KLHL33: variants seen among roughly 807,000 people sequenced by gnomAD.
KLHL33 encodes kelch like family member 33.
KLHL33 carries 46 observed loss-of-function variants against 60.8 expected under a neutral mutation model. The observed-to-expected ratio is 0.76, with a 90% confidence interval of 0.60 to 0.97. The LOEUF (loss-of-function observed/expected upper bound fraction) is 0.97, where lower values mean the gene tolerates loss of function less well. Ranked by LOEUF, KLHL33 falls within the 50% of genes least tolerant of loss-of-function variation. KLHL33 has a pLI of 0.00. For missense variants in KLHL33, 1,055 were observed against 1,000.0 expected (o/e 1.05, Z -0.74); for synonymous variants, 434 against 432.2 (o/e 1.00, Z -0.05).
At position 20,435,718 on chromosome 14, in the gene KLHL33, G is replaced by A; in HGVS notation, c.94C>T (p.Gln32Ter). ...GAGGGAGGCCAGGAAGGGGTTCTCT[G>A]GGCGTGCACAAGGAGTCCAAGGCAG... ...RDCLGLLVHA[Q>*]RTPSWPPSPD... is the part of the protein sequence containing the mutation. The change falls in exon 2 of 5, where the codon CAG (glutamine) becomes TAG (stop). Residue 32 changes from glutamine (Q) to a stop codon, truncating the protein, a stop_gained. Transcript: ENST00000636854. LOFTEE classifies it high-confidence loss of function. 2.4e-6 allele frequency: 3 copies of A among 1,234,786 alleles called. No homozygotes were observed. Among genetic ancestry groups the A allele is most frequent in the East Asian group, 3.2e-5 (1 of 31,696 alleles). 76.5% of individuals were successfully genotyped at this position (1,234,786 alleles called of 1,614,324 possible). A position where few individuals can be genotyped will look rare whatever the true frequency, so the allele number is the denominator to read the frequency against.
chr14:20,431,246 C>T (rs1019029927), intron 2 of KLHL33, among the ~76,000 whole-genome samples: 19 of 152,296 alleles, frequency 1.2e-4, no homozygotes, highest in Admixed American at 1.1e-3. Flanking sequence ...TGGCACCACT[C>T]GGGAATGGCT....
chr14:20,432,970 G>GAAAGAAAGAAAGAAAGAAAGAA (rs1200177281), intron 2 of KLHL33, among the ~76,000 whole-genome samples: 3 of 151,470 alleles, frequency 2.0e-5, no homozygotes, highest in Non-Finnish European at 4.4e-5. Context: ...AAGAAAGAAA[G>GAAAGAAAGAAAGAAAGAAAGAA]AAAGAAAGAA....
Position 20,429,781 on chromosome 14 carries a change from C to G in KLHL33, c.1673+14G>C. ...AGGGCCTGCCACACCCTGCCCACTC[C>G]TAGAAGCTTATACCTGAGAGTTGAA... On this transcript the variant is annotated intron_variant, in intron 3 of 4. Coordinates refer to ENST00000636854, the MANE Select transcript of KLHL33 (RefSeq NM_001365790.2). 2 of 1,526,570 alleles carry G rather than the reference C, an allele frequency of 1.3e-6. No homozygotes were observed. The highest frequency in any genetic ancestry group is 8.8e-7 in the Non-Finnish European group (1 of 1,134,376). 94.6% of individuals were successfully genotyped at this position (1,526,570 alleles called of 1,614,324 possible).
chr14:20,430,060 C>G lies in KLHL33; in HGVS notation c.1408G>C (p.Glu470Gln). ...ATCACTACCAGTGCCCGGTCAGGCT[C>G]CCTCCGTCTCTCTTGGCCTGGAACA... ...ADVPGQERRR[E>Q]PDRALVVIGG... is the part of the protein sequence containing the mutation. The change falls in exon 3 of 5, where the codon GAG becomes CAG. Residue 470 changes from glutamate to glutamine, a missense_variant. Glu to Gln is a conservative substitution (Grantham distance 29). Transcript: ENST00000636854. 1 of 1,551,754 alleles carries G rather than the reference C, an allele frequency of 6.4e-7. No homozygotes were observed. Among genetic ancestry groups the G allele is most frequent in the Non-Finnish European group, 8.7e-7 (1 of 1,147,012 alleles).
rs1880343215 is a variant in KLHL33 at position 20,427,919 on chromosome 14, G to C, written c.*930C>G. On this transcript the variant is annotated 3_prime_UTR_variant, in exon 5 of 5. Transcript: ENST00000636854. ...ACTCTGGGGGAAAGGAACTGAAAGGGGGAAATGACTTTTCTGAGTCTTGTC... is the reference window on the plus strand; with the variant it reads ...ACTCTGGGGGAAAGGAACTGAAAGGCGGAAATGACTTTTCTGAGTCTTGTC... The C allele has an allele frequency of 6.6e-6, 1 of 152,190 alleles. No individual in the cohort carries two copies. Among genetic ancestry groups the C allele is most frequent in the Non-Finnish European group, 1.5e-5 (1 of 68,050 alleles). 9.4% of individuals were successfully genotyped at this position (152,190 alleles called of 1,614,324 possible). A position where few individuals can be genotyped will look rare whatever the true frequency, so the allele number is the denominator to read the frequency against.
chr14:20,429,456 A>G, intron 4 of KLHL33, 46 bp downstream of exon 4: 3 of 1,550,430 alleles, frequency 1.9e-6, no homozygotes, highest in South Asian at 2.4e-5. Context: ...CTCTCCTTCT[A>G]TTCCAAGTCT....
rs796775864 is a variant in KLHL33, at chr14:20,426,712, G to A, written c.*2137C>T. ...TGCCCAAAGGAATATAAATCATGCC[G>A]CTATAAAGACACATGCACACATATG... On this transcript the variant is annotated 3_prime_UTR_variant, in exon 5 of 5. Coordinates refer to ENST00000636854, the MANE Select transcript of KLHL33 (RefSeq NM_001365790.2). The A allele has an allele frequency of 2.6e-5, 4 of 152,066 alleles. No individual in the cohort carries two copies. Among genetic ancestry groups the A allele is most frequent in the Admixed American group, 6.6e-5 (1 of 15,262 alleles). The allele number at this position is 152,066 out of a possible 1,614,324, so 9.4% of individuals were successfully genotyped here.
At position 20,429,628 on chromosome 14, in the gene KLHL33, A is replaced by C; in HGVS notation, c.1715T>G (p.Leu572Trp). 1 of 1,551,834 alleles carries C rather than the reference A, an allele frequency of 6.4e-7. No individual in the cohort carries two copies. Among genetic ancestry groups the C allele is most frequent in the Non-Finnish European group, 8.7e-7 (1 of 1,147,032 alleles). The change falls in exon 4 of 5, where the codon TTG (leucine) becomes TGG (tryptophan). Residue 572 changes from leucine (L) to tryptophan (W), a missense_variant. By Grantham distance (61) the Leu-to-Trp change is moderately conservative (BLOSUM62 -2). Coordinates refer to ENST00000636854, the MANE Select transcript of KLHL33 (RefSeq NM_001365790.2). ...GGAGAAAAGGCTTCGAGCCTGGGAC[A>C]AAGGAGCCATCTCCTCCCAGTCCTC... Reference protein sequence around the residue: ...SQEDWEEMAPLSQARSLFSLV... With the variant: ...SQEDWEEMAPWSQARSLFSLV...
At chr14:20,429,766 A>G in intron 3 of KLHL33, 29 bp downstream of exon 3, 1 of 1,522,972 alleles carries the variant, frequency 6.6e-7, no homozygotes, top group South Asian at 1.3e-5. Flanking sequence ...AGGGCCTGCC[A>G]CACCCTGCCC....
Position 20,435,814 on chromosome 14 carries a change from C to G in KLHL33, c.-3G>C. 1.6e-6 allele frequency: 2 copies of G among 1,234,350 alleles called. No individual in the cohort carries two copies. Among genetic ancestry groups the G allele is most frequent in the Non-Finnish European group, 2.0e-6 (2 of 988,440 alleles). 76.5% of individuals were successfully genotyped at this position (1,234,350 alleles called of 1,614,324 possible). On this transcript the variant is annotated 5_prime_UTR_variant, in exon 2 of 5. Coordinates refer to ENST00000636854, the MANE Select transcript of KLHL33 (RefSeq NM_001365790.2). ...TGTGGGGTGTCCGAGACGCTCATGC[C>G]GAGGTTTGCTGGATAGCTGCAGGTG...
rs537381001 is a variant in KLHL33 at position 20,431,776 on chromosome 14, G to A, written c.749-1057C>T. On this transcript the variant is annotated intron_variant, in intron 2 of 4. Coordinates refer to ENST00000636854, the MANE Select transcript of KLHL33 (RefSeq NM_001365790.2). ...GAAACTGAGTTGGGTCCCAAAGAAA[G>A]CATGTGATTTATTTTTCATTTCCAT... Among the ~76,000 whole-genome samples, 20 of 152,300 alleles carry A rather than the reference G, an allele frequency of 1.3e-4. No individual in the cohort carries two copies. The East Asian group carries it at 2.1e-3, about 16-fold the overall frequency.
At chr14:20,432,926 A>AAAAGAAAGAAAGAAAG (rs59220485) in intron 2 of KLHL33, among the ~76,000 whole-genome samples, 18,027 of 104,478 alleles carry the variant, frequency 0.17, 2,114 homozygotes, top group South Asian at 0.19. Context: ...CATCTCAAAA[A>AAAAGAAAGAAAGAAAG]AAAGAAAGAA....
At chr14:20,432,616 A>T (rs1880542348) in intron 2 of KLHL33, among the ~76,000 whole-genome samples, 1 of 152,044 alleles carries the variant, frequency 6.6e-6, no homozygotes, top group Non-Finnish European at 1.5e-5. Context: ...ATAAATGTGG[A>T]CTAGGTGATA....
intron 1 of KLHL33, 71 bp from the exon 2 acceptor site, chr14:20,435,901 C>G (rs760183691): frequency 5.4e-5 from 61 of 1,124,266 alleles, no homozygotes; most frequent in Non-Finnish European, 6.4e-5. Context: ...AACCATGTCT[C>G]CAGCCAGTTG....
chr14:20,429,883 C>A lies in KLHL33; in HGVS notation c.1585G>T (p.Gly529Trp), dbSNP rs1271912246. The change falls in exon 3 of 5, where the codon GGG becomes TGG. Residue 529 changes from glycine (G) to tryptophan (W), a missense_variant. Gly to Trp is a radical substitution (Grantham distance 184). Transcript: ENST00000636854. ...TCACTTCCTGCCAGGCTTGCAGCCC[C>A]ATGCCGGAAGCGTCCGGGGGCAGGC... ...ALPAPGRFRH[G>W]AASLAGSELY... The A allele has an allele frequency of 7.1e-6, 11 of 1,552,056 alleles. No individual in the cohort carries two copies. The Admixed American group carries it at 2.2e-4, about 30-fold the overall frequency.
chr14:20,432,978 G>GAAAGAAAGA, intron 2 of KLHL33, among the ~76,000 whole-genome samples: 1 of 151,574 alleles, frequency 6.6e-6, no homozygotes, highest in African/African-American at 2.4e-5. Context: ...AAGAAAGAAA[G>GAAAGAAAGA]AAAGAAAGAG....
rs1458026770 is a variant in KLHL33 at position 20,429,390 on chromosome 14, G to A, written c.1853C>T (p.Ala618Val). The change falls in exon 5 of 5, where the codon GCA becomes GTA. Residue 618 changes from alanine to valine, a missense_variant. Physicochemically the swap from Ala to Val is moderately conservative, Grantham distance 64 (BLOSUM62 0). Transcript: ENST00000636854. ...PELNVWRPAPALPAPCFAHAA... is the reference protein window; with the variant it reads ...PELNVWRPAPVLPAPCFAHAA... ...GTGGGCAAAACATGGTGCTGGAAGTGCAGGTGCTGGCCTAAGGGAGAACAG... is the reference window on the plus strand; with the variant it reads ...GTGGGCAAAACATGGTGCTGGAAGTACAGGTGCTGGCCTAAGGGAGAACAG... 13 of 1,551,764 alleles carry A rather than the reference G, an allele frequency of 8.4e-6. No homozygotes were observed. In the East Asian group the frequency reaches 2.9e-4, roughly 35 times the overall value.
rs1367356489 is a variant in KLHL33 at position 20,430,022 on chromosome 14, C to A, written c.1446G>T (p.Gly482=). 2.6e-6 allele frequency: 4 copies of A among 1,551,590 alleles called. No homozygotes were observed. In the African/African-American group the frequency reaches 5.5e-5, roughly 21 times the overall value. ...GTCTTAGGGCCATGTCTGGTCTGAG[C>A]CCATCCCCGCCAATCACTACCAGTG... ...DRALVVIGGD[G]LRPDMALRQP... The change falls in exon 3 of 5, where the codon GGG becomes GGT. Residue 482 remains glycine (G), a synonymous_variant. Transcript: ENST00000636854.
chr14:20,430,791 T>TACTATAAGTTTGGCCAA, intron 2 of KLHL33, 72 bp from the exon 3 acceptor site: 1 of 1,041,744 alleles, frequency 9.6e-7, no homozygotes, highest in Non-Finnish European at 1.4e-6. Context: ...CCCAACTTGG[T>TACTATAAGTTTGGCCAA]ACTCTAAGTT....
Sources: allele counts gnomAD v4.1 joint callset (sites outside exome capture counted in the v4.1 genomes callset), GRCh38; gene constraint gnomAD v4.1.1; transcripts MANE v1.5; gene names NCBI Gene and HGNC (gene_info 2026-07-23, HGNC 2026-07-21).